The following SLC12A3 variants were observed in gnomAD, a reference collection of about 807,000 sequenced individuals.
SLC12A3 encodes the protein Na-Cl cotransporter.
In SLC12A3, 104 loss-of-function variants were observed where a neutral mutation model predicts 121.0. The ratio of observed to expected loss-of-function variants is 0.86; its 90% CI spans 0.73 to 1.01. SLC12A3 has a LOEUF of 1.01. Ranked by LOEUF, SLC12A3 falls within the 50% of genes least tolerant of loss-of-function variation. The pLI is 0.00. For missense variants in SLC12A3, 1,328 were observed against 1,356.3 expected, an observed-to-expected ratio of 0.98 and a Z score of 0.33; for synonymous variants, 536 against 533.4, an observed-to-expected ratio of 1.00 and a Z score of -0.07.
intron 25 of SLC12A3, among the ~76,000 whole-genome samples, chr16:56,912,885 C>T (rs1033582618): frequency 6.6e-6 from 1 of 152,034 alleles, no homozygotes; most frequent in African/African-American, 2.4e-5. Flanking sequence ...TGGGGCTGCT[C>T]CTTTCCTGGT....
chr16:56,902,073 T>C (rs572036937), intron 23 of SLC12A3: 1 of 427,450 alleles, frequency 2.3e-6, no homozygotes, highest in East Asian at 5.0e-5. Flanking sequence ...ACAATCTGAT[T>C]TGTTCACTGT....
intron 12 of SLC12A3, 45 bp from the exon 13 acceptor site, chr16:56,882,351 A>C: frequency 6.5e-7 from 1 of 1,526,842 alleles, no homozygotes; most frequent in Non-Finnish European, 9.1e-7. Context: ...AGTCCTTGGC[A>C]GAGTTGCCCA....
intron 22 of SLC12A3, among the ~76,000 whole-genome samples, chr16:56,897,840 G>T (rs2055485836): frequency 6.6e-6 from 1 of 152,172 alleles, no homozygotes; most frequent in Non-Finnish European, 1.5e-5. Flanking sequence ...TGCTGCCCTT[G>T]CCTAGGCACT....
chr16:56,913,494 T>C lies in SLC12A3; in HGVS notation c.*89T>C. The C allele has an allele frequency of 7.6e-7, 1 of 1,314,024 alleles. No individual in the cohort carries two copies. The highest frequency in any genetic ancestry group is 1.1e-6 in the Non-Finnish European group (1 of 906,800). The allele number at this position is 1,314,024 out of a possible 1,614,324, so 81.4% of individuals were successfully genotyped here. Reference sequence around the variant, plus strand: ...CTCTAGTCCACAGGGATGAGACTCATGTTCTGTTGCACTTTAAGTGGCAGC... The same window carrying C: ...CTCTAGTCCACAGGGATGAGACTCACGTTCTGTTGCACTTTAAGTGGCAGC... On this transcript the variant is annotated 3_prime_UTR_variant, in exon 26 of 26. Transcript: ENST00000563236.
At chr16:56,876,259 A>T (rs188824831) in intron 8 of SLC12A3, among the ~76,000 whole-genome samples, 3 of 152,034 alleles carry the variant, frequency 2.0e-5, no homozygotes, top group Non-Finnish European at 2.9e-5. Flanking sequence ...GTATGACCTC[A>T]TCTTTACTAA....
rs751725614 is a variant in SLC12A3, at chr16:56,870,644, G to C, written c.760G>C (p.Val254Leu). The change falls in exon 6 of 26, where the codon GTG becomes CTG. Residue 254 changes from valine to leucine, a missense_variant. Physicochemically the swap from Val to Leu is conservative, Grantham distance 32 (BLOSUM62 1). Coordinates refer to ENST00000563236, the MANE Select transcript of SLC12A3 (RefSeq NM_001126108.2). Reference protein sequence around the residue: ...DLLQEYGAPIVDPINDIRIIA... With the variant: ...DLLQEYGAPILDPINDIRIIA... ...TCCCCAGGAGTATGGGGCACCCATC[G>C]TGGACCCCATTAACGACATCCGCAT... is the stretch of plus-strand genomic sequence containing the variant. The C allele has an allele frequency of 6.2e-7, 1 of 1,612,044 alleles. No individual in the cohort carries two copies. Among genetic ancestry groups the C allele is most frequent in the African/African-American group, 1.3e-5 (1 of 74,984 alleles).
chr16:56,906,691 A>T, intron 25 of SLC12A3: 1 of 525,322 alleles, frequency 1.9e-6, no homozygotes, highest in African/African-American at 2.0e-5. Context: ...ACCACACTGG[A>T]TATCATCTTT....
At chr16:56,884,325 C>T in intron 14 of SLC12A3, 121 bp downstream of exon 14, 1 of 994,706 alleles carries the variant, frequency 1.0e-6, no homozygotes, top group South Asian at 1.4e-5. Context: ...GGGCCCCTCT[C>T]TGCCCCTCCC....
chr16:56,877,256 A>G (rs1211417978), intron 8 of SLC12A3, among the ~76,000 whole-genome samples: 7 of 151,900 alleles, frequency 4.6e-5, no homozygotes, highest in African/African-American at 1.7e-4. Flanking sequence ...GGGCGCCTAT[A>G]GTGGTGGTAC....
Position 56,872,404 on chromosome 16 carries a change from G to A in SLC12A3, c.906G>A (p.Val302=). Reference sequence around the variant, plus strand: ...TGGTCTCCTTTGCCAACTATTTAGTGGGGACGCTGATCCCCCCATCTGAGG... The same window carrying A: ...TGGTCTCCTTTGCCAACTATTTAGTAGGGACGCTGATCCCCCCATCTGAGG... ...VIMVSFANYL[V]GTLIPPSEDK... is the part of the protein sequence containing the mutation. The change falls in exon 7 of 26, where the codon GTG becomes GTA. Residue 302 remains valine (V), a synonymous_variant. Coordinates refer to ENST00000563236, the MANE Select transcript of SLC12A3 (RefSeq NM_001126108.2). The A allele has an allele frequency of 1.2e-6, 2 of 1,614,108 alleles. No homozygotes were observed. Among genetic ancestry groups the A allele is most frequent in the Non-Finnish European group, 1.7e-6 (2 of 1,180,034 alleles).
chr16:56,870,869 T>C (rs1236044969), intron 6 of SLC12A3, 133 bp downstream of exon 6: 14 of 612,644 alleles, frequency 2.3e-5, no homozygotes, highest in African/African-American at 3.7e-5. Flanking sequence ...AGAATCTCGC[T>C]CGATGTCCAT....
At chr16:56,899,689 C>CT in intron 23 of SLC12A3, 73 bp downstream of exon 23, 1 of 1,088,262 alleles carries the variant, frequency 9.2e-7, no homozygotes, top group Non-Finnish European at 1.4e-6. Flanking sequence ...CGGCTGCCCC[C>CT]TTTTTCCTTG....
chr16:56,871,709 T>C (rs2055099573), intron 6 of SLC12A3, among the ~76,000 whole-genome samples: 1 of 152,036 alleles, frequency 6.6e-6, no homozygotes, highest in Admixed American at 6.6e-5. Flanking sequence ...ACACTCCCTC[T>C]TCTTTATTTA....
intron 17 of SLC12A3, 123 bp from the exon 18 acceptor site, chr16:56,887,794 ATATATTTT>A (rs1456309847): frequency 8.8e-5 from 9 of 102,694 alleles, no homozygotes; most frequent in African/African-American, 2.1e-4. Context: ...ATATATATAT[ATATATTTT>A]TTTTTTTTTT....
intron 12 of SLC12A3, 60 bp downstream of exon 12, chr16:56,880,313 G>C (rs1311022015): frequency 6.6e-5 from 102 of 1,537,328 alleles, no homozygotes; most frequent in Non-Finnish European, 8.6e-5. Context: ...GGCCATGAGG[G>C]TCTTGGGGGC....
intron 12 of SLC12A3, among the ~76,000 whole-genome samples, chr16:56,881,558 G>A (rs574476264): frequency 2.0e-5 from 3 of 152,224 alleles, no homozygotes; most frequent in South Asian, 2.1e-4. Context: ...ATTGGTGCAC[G>A]TCGTGTTTTG....
intron 24 of SLC12A3, among the ~76,000 whole-genome samples, chr16:56,902,884 C>T (rs1306502113): frequency 2.6e-5 from 4 of 151,932 alleles, no homozygotes; most frequent in African/African-American, 9.7e-5. Flanking sequence ...GGTGGCTCAC[C>T]CCTGTAATCC....
At chr16:56,882,553 G>A in intron 13 of SLC12A3, 56 bp downstream of exon 13, 1 of 1,367,214 alleles carries the variant, frequency 7.3e-7, no homozygotes, top group Non-Finnish European at 1.0e-6. Flanking sequence ...AGGAGGAACT[G>A]GGGCATGGGG....
intron 8 of SLC12A3, among the ~76,000 whole-genome samples, chr16:56,873,604 T>C (rs1344328821): frequency 9.9e-5 from 15 of 151,632 alleles, no homozygotes; most frequent in African/African-American, 3.6e-4. Context: ...GCCAGGCTGG[T>C]CTCAAACTCC....
Sources: allele counts gnomAD v4.1 joint callset (sites outside exome capture counted in the v4.1 genomes callset), GRCh38; gene constraint gnomAD v4.1.1; transcripts MANE v1.5; gene names NCBI Gene and HGNC (gene_info 2026-07-23, HGNC 2026-07-21).